The following NLGN3 variants were observed in gnomAD, a reference collection of about 807,000 sequenced individuals.
The protein encoded by NLGN3 is neuroligin 3, also known as neuroligin-3.
A neutral mutation model predicts 42.9 loss-of-function variants in NLGN3; 11 were observed. The ratio of observed to expected loss-of-function variants is 0.26; its 90% CI spans 0.16 to 0.42. The LOEUF (loss-of-function observed/expected upper bound fraction) is 0.42, where lower values mean the gene tolerates loss of function less well. Ranked by LOEUF, NLGN3 falls within the 10% of genes least tolerant of loss-of-function variation. NLGN3 has a pLI of 1.00. For missense variants in NLGN3, 374 were observed against 733.8 expected (o/e 0.51, Z 5.67); for synonymous variants, 279 against 312.7 (o/e 0.89, Z 1.14).
chrX:71,172,098 G>T (rs1749298348), downstream of NLGN3, among the ~76,000 whole-genome samples: 1 of 111,769 alleles, frequency 8.9e-6, no homozygotes, highest in South Asian at 3.7e-4. Flanking sequence ...TGGTACACTG[G>T]AGATGGGCAG....
intron 1 of NLGN3, among the ~76,000 whole-genome samples, chrX:71,145,249 C>A (rs918877791): frequency 6.5e-5 from 7 of 107,096 alleles, no homozygotes; most frequent in Admixed American, 3.0e-4. Flanking sequence ...GGGCCCCCAG[C>A]CCCATCCCGG....
rs2978616 is a variant in NLGN3 at position 71,169,890 on chromosome X, C to T, written c.2340C>T (p.Pro780=). The change falls in exon 8 of 8, where the codon CCC becomes CCT. Residue 780 remains proline, a synonymous_variant. Transcript: ENST00000358741. Reference sequence around the variant, plus strand: ...ACCACGAGTGTGAGGCCGGTCCCCCCCATGACACGCTGCGCCTCACTGCAT... The same window carrying T: ...ACCACGAGTGTGAGGCCGGTCCCCCTCATGACACGCTGCGCCTCACTGCAT... ...PTHHECEAGP[P]HDTLRLTALP... is the part of the protein sequence containing the mutation. 8.3e-6 allele frequency: 10 copies of T among 1,199,236 alleles called. No homozygotes were observed. The highest frequency in any genetic ancestry group is 1.1e-5 in the Non-Finnish European group (10 of 889,163).
Position 71,170,178 on chromosome X carries a change from C to CACAT in NLGN3, c.*81_*82insACAT. The CACAT allele has an allele frequency of 7.6e-6, 9 of 1,186,647 alleles. No individual in the cohort carries two copies. Among genetic ancestry groups the CACAT allele is most frequent in the Non-Finnish European group, 1.0e-5 (9 of 886,988 alleles). On this transcript the variant is annotated 3_prime_UTR_variant, in exon 8 of 8. Transcript: ENST00000358741. ...ACATGCACACACACACACACACACA[C>CACAT]GCAGACACACACACACACACACATA...
At chrX:71,174,451 T>C (rs886538969), downstream of NLGN3, among the ~76,000 whole-genome samples, 1 of 111,767 alleles carries the variant, frequency 8.9e-6, no homozygotes, top group African/African-American at 3.2e-5. Flanking sequence ...GATCAATACA[T>C]TTGATATTGA....
At chrX:71,145,318 A>C in intron 1 of NLGN3, among the ~76,000 whole-genome samples, 1 of 58,913 alleles carries the variant, frequency 1.7e-5, no homozygotes, top group African/African-American at 7.2e-5. Flanking sequence ...CTTCCATCAT[A>C]GCATCTCATA....
At chrX:71,146,576 C>T (rs1261604463) in intron 1 of NLGN3, among the ~76,000 whole-genome samples, 1 of 111,428 alleles carries the variant, frequency 9.0e-6, no homozygotes, top group East Asian at 2.8e-4. Flanking sequence ...CAGTAAGTCT[C>T]TATGTGTGTC....
At chrX:71,171,628 A>G (rs760297114), downstream of NLGN3, 1 of 745,684 alleles carries the variant, frequency 1.3e-6, no homozygotes, top group South Asian at 6.9e-5. Context: ...TAACGTGCTG[A>G]AATTCTTTCT....
Position 71,171,077 on chromosome X carries a change from G to GTT in NLGN3, c.*994_*995dup, listed in dbSNP as rs767429618. The GTT allele has an allele frequency of 4.2e-5, 27 of 645,700 alleles. No homozygotes were observed. Among genetic ancestry groups the GTT allele is most frequent in the African/African-American group, 1.9e-4 (7 of 37,666 alleles). The allele number at this position is 645,700 out of a possible 1,213,427, so 53.2% of individuals were successfully genotyped here. ...AAGGCGGTGTTTTTTGTTGTTGTTG[G>GTT]TTTTTTTTTTTTTTTAAAGAAAAGT... On this transcript the variant is annotated 3_prime_UTR_variant, in exon 8 of 8. Coordinates refer to ENST00000358741, the MANE Select transcript of NLGN3 (RefSeq NM_181303.2).
At chrX:71,166,341 A>C (rs912846462) in intron 6 of NLGN3, among the ~76,000 whole-genome samples, 43 of 109,826 alleles carry the variant, frequency 3.9e-4, no homozygotes, top group Non-Finnish European at 6.1e-4. Flanking sequence ...CTGTAATCCC[A>C]GCTACTCGGG....
intron 5 of NLGN3, among the ~76,000 whole-genome samples, chrX:71,159,726 C>CTTT: frequency 1.0e-5 from 1 of 98,665 alleles, no homozygotes; most frequent in South Asian, 4.5e-4. Flanking sequence ...ATTTTCTTTT[C>CTTT]TTTTTTTTTT....
chrX:71,157,862 G>A (rs2147885705), intron 5 of NLGN3, among the ~76,000 whole-genome samples: 1 of 109,692 alleles, frequency 9.1e-6, no homozygotes, highest in Admixed American at 9.8e-5. Flanking sequence ...TATGGAGCAT[G>A]CAGGCCATTC....
downstream of NLGN3, among the ~76,000 whole-genome samples, chrX:71,172,614 G>A (rs183480822): frequency 8.5e-5 from 8 of 94,071 alleles, no homozygotes; most frequent in Admixed American, 7.7e-4. Context: ...TAGGTGCTGT[G>A]TGTGTGTGCA....
intron 7 of NLGN3, among the ~76,000 whole-genome samples, 189 bp from the exon 8 acceptor site, chrX:71,169,065 G>A (rs1167100044): frequency 1.8e-5 from 2 of 110,729 alleles, no homozygotes; most frequent in East Asian, 2.8e-4. Context: ...GATGAGCGCC[G>A]GGAAGGAGGA....
intron 5 of NLGN3, among the ~76,000 whole-genome samples, chrX:71,155,655 G>C (rs2147880979): frequency 9.0e-6 from 1 of 111,378 alleles, no homozygotes; most frequent in African/African-American, 3.3e-5. Context: ...GAGTTTTGTA[G>C]GATGCTTCAA....
intron 5 of NLGN3, among the ~76,000 whole-genome samples, chrX:71,157,287 C>CCTATTTAT (rs1556347013): frequency 1.0e-5 from 1 of 99,886 alleles, no homozygotes; most frequent in African/African-American, 3.8e-5. Flanking sequence ...TTTTAATTTG[C>CCTATTTAT]TTATTTATTT....
At chrX:71,165,705 A>AT (rs1198187592) in intron 6 of NLGN3, among the ~76,000 whole-genome samples, 2 of 108,724 alleles carry the variant, frequency 1.8e-5, no homozygotes, top group East Asian at 2.9e-4. Context: ...TTGGGGATAA[A>AT]TTTTTTTTTG....
At chrX:71,171,258 G>A, downstream of NLGN3, 5 of 740,457 alleles carry the variant, frequency 6.8e-6, no homozygotes, top group Non-Finnish European at 8.0e-6. Context: ...GTGCCTCTGC[G>A]GGCTGGGAAT....
chrX:71,164,094 T>C, intron 5 of NLGN3, 49 bp from the exon 6 acceptor site: 1 of 1,165,527 alleles, frequency 8.6e-7, no homozygotes, highest in East Asian at 3.0e-5. Context: ...ATCACCCAAA[T>C]CCTCCATCCC....
At chrX:71,174,207 C>T (rs1350774571), downstream of NLGN3, among the ~76,000 whole-genome samples, 4 of 112,025 alleles carry the variant, frequency 3.6e-5, no homozygotes, top group African/African-American at 6.5e-5. Flanking sequence ...CAGAGAGAAA[C>T]TCCTGAAGGC....
Sources: gnomAD v4.1 joint callset for allele counts (sites outside exome capture counted in the v4.1 genomes callset) on GRCh38, gnomAD v4.1.1 for gene constraint, MANE v1.5 for transcripts, NCBI Gene and HGNC (gene_info 2026-07-23, HGNC 2026-07-21) for gene names.